The following PTCHD1 variants were observed in gnomAD, a reference collection of about 807,000 sequenced individuals.
The protein encoded by PTCHD1 is patched domain-containing protein 1.
A neutral mutation model predicts 34.6 loss-of-function variants in PTCHD1; 3 were observed. The ratio of observed to expected loss-of-function variants is 0.09; its 90% CI spans 0.04 to 0.22. PTCHD1 has a LOEUF of 0.22. PTCHD1 is among the 10% of genes least tolerant of loss of function. PTCHD1 has a pLI of 1.00. For missense variants in PTCHD1, 504 were observed against 685.5 expected (o/e 0.74, Z 2.96); for synonymous variants, 305 against 283.1 (o/e 1.08, Z -0.77).
intron 1 of PTCHD1, among the ~76,000 whole-genome samples, chrX:23,369,171 G>A (rs977950114): frequency 8.0e-5 from 9 of 112,059 alleles, no homozygotes; most frequent in Admixed American, 2.8e-4. Flanking sequence ...AGCTGTTTGC[G>A]CATGCTTGTC....
At position 23,344,065 on chromosome X, in the gene PTCHD1, G is replaced by C. The variant is rs979749977; in HGVS notation, c.351+8839G>C. ...AATACAGACTGATTCAAAGGGTCTG[G>C]GGTGGGAACTGCAAGTCTGCATTTC... On this transcript the variant is annotated intron_variant, in intron 1 of 2. Coordinates refer to ENST00000379361, the MANE Select transcript of PTCHD1 (RefSeq NM_173495.3). 8.0e-5 allele frequency among the ~76,000 whole-genome samples: 9 copies of C among 112,169 alleles called. No individual in the cohort carries two copies. In the East Asian group the frequency reaches 2.2e-3, roughly 28 times the overall value.
At chrX:23,351,333 C>G (rs1921628264) in intron 1 of PTCHD1, 1 of 849,122 alleles carries the variant, frequency 1.2e-6, no homozygotes, top group South Asian at 2.1e-5. Flanking sequence ...CATTTGCTGT[C>G]TCTCAGGCCC....
In PTCHD1 at chrX:23,335,157, C is replaced by G; in HGVS notation, c.282C>G (p.Gly94=). The G allele has an allele frequency of 8.3e-7, 1 of 1,212,090 alleles. No homozygotes were observed. The highest frequency in any genetic ancestry group is 1.1e-6 in the Non-Finnish European group (1 of 895,434). The change falls in exon 1 of 3, where the codon GGC becomes GGG. Residue 94 remains glycine (G), a synonymous_variant. Coordinates refer to ENST00000379361, the MANE Select transcript of PTCHD1 (RefSeq NM_173495.3). ...YSDLQTPGRY[G]RVIVTSFQKA... The stretch of plus-strand genomic sequence containing the variant: ...ACCTGCAGACCCCCGGGCGCTACGG[C>G]CGGGTCATCGTCACCTCCTTCCAGA...
intron 1 of PTCHD1, among the ~76,000 whole-genome samples, chrX:23,356,766 T>G (rs1203170744): frequency 2.7e-5 from 3 of 111,956 alleles, no homozygotes; most frequent in Non-Finnish European, 5.6e-5. Flanking sequence ...AATATGGGAT[T>G]TCCAGGCATT....
At chrX:23,378,324 G>C (rs970148907) in intron 1 of PTCHD1, among the ~76,000 whole-genome samples, 3 of 111,870 alleles carry the variant, frequency 2.7e-5, no homozygotes, top group African/African-American at 9.8e-5. Context: ...TCTGTAAAGT[G>C]ACTTGTTGAG....
chrX:23,358,122 G>T (rs897785720), intron 1 of PTCHD1, among the ~76,000 whole-genome samples: 9 of 111,494 alleles, frequency 8.1e-5, no homozygotes, highest in East Asian at 2.8e-4. Context: ...TAAACATACG[G>T]GTGCATGTGT....
At chrX:23,350,545 A>G (rs750950428) in intron 1 of PTCHD1, among the ~76,000 whole-genome samples, 2 of 111,896 alleles carry the variant, frequency 1.8e-5, no homozygotes, top group East Asian at 2.8e-4. Context: ...AATACTCCCA[A>G]ACCATTTATT....
chrX:23,353,818 G>C (rs1018744682), intron 1 of PTCHD1, among the ~76,000 whole-genome samples: 1 of 111,801 alleles, frequency 8.9e-6, no homozygotes, highest in African/African-American at 3.2e-5. Context: ...AAAAAGCTAA[G>C]TTAGGAAGCT....
intron 2 of PTCHD1, among the ~76,000 whole-genome samples, chrX:23,383,550 C>T (rs1372145561): frequency 9.0e-6 from 1 of 111,724 alleles, no homozygotes; most frequent in Non-Finnish European, 1.9e-5. Flanking sequence ...GTGTTTCTAG[C>T]CAAGATGATA....
chrX:23,384,503 T>A (rs1232091387), intron 2 of PTCHD1, among the ~76,000 whole-genome samples: 1 of 112,061 alleles, frequency 8.9e-6, no homozygotes, highest in Admixed American at 9.5e-5. Flanking sequence ...GCTGTGCATT[T>A]TAACATTATT....
At chrX:23,364,413 CA>C (rs1352748462) in intron 1 of PTCHD1, among the ~76,000 whole-genome samples, 5 of 104,774 alleles carry the variant, frequency 4.8e-5, no homozygotes, top group African/African-American at 1.1e-4. Context: ...CACACACACA[CA>C]CCGTATTCAG....
In PTCHD1 at chrX:23,393,850, G is replaced by C; in HGVS notation, c.2332G>C (p.Gly778Arg). 8.3e-7 allele frequency: 1 copy of C among 1,211,142 alleles called. No homozygotes were observed. The highest frequency in any genetic ancestry group is 1.1e-6 in the Non-Finnish European group (1 of 895,158). Residue 778 changes from glycine to arginine, a missense_variant, in exon 3 of 3, where the codon GGC becomes CGC. Transcript: ENST00000379361. ...CAPMLSTFVLGKDFTRTKWVK... is the reference protein window; with the variant it reads ...CAPMLSTFVLRKDFTRTKWVK... ...TCCAATGTTATCCACATTTGTTCTG[G>C]GCAAGGATTTCACAAGAACTAAATG...
intron 1 of PTCHD1, 121 bp downstream of exon 1, chrX:23,335,347 T>C: frequency 1.7e-6 from 1 of 571,618 alleles, no homozygotes. Flanking sequence ...CCGCAGGGAC[T>C]CTCCTGCACC....
chrX:23,350,425 T>C (rs918385053), intron 1 of PTCHD1, among the ~76,000 whole-genome samples: 1 of 111,653 alleles, frequency 9.0e-6, no homozygotes, highest in Non-Finnish European at 1.9e-5. Flanking sequence ...CTTAGAAGTT[T>C]CCCAGCTGGG....
chrX:23,350,075 AAAAAAAAAAAAAAAG>A (rs1355178498), intron 1 of PTCHD1, among the ~76,000 whole-genome samples: 6 of 105,196 alleles, frequency 5.7e-5, no homozygotes, highest in Admixed American at 1.0e-4. Flanking sequence ...AAAAAAAAAA[AAAAAAAAAAAAAAAG>A]ACCTGTGTGG....
At position 23,399,660 on chromosome X, in the gene PTCHD1, C is replaced by CTTCA. The variant is rs773028594; in HGVS notation, c.*5483_*5486dup. 3 of 112,078 alleles carry CTTCA rather than the reference C, an allele frequency of 2.7e-5. No individual in the cohort carries two copies. The highest frequency in any genetic ancestry group is 1.9e-4 in the Admixed American group (2 of 10,567). 9.2% of individuals were successfully genotyped at this position (112,078 alleles called of 1,213,427 possible). The stretch of plus-strand genomic sequence containing the variant: ...AAGTGCCTACTTCTATTCATTTATT[C>CTTCA]TTCATTCATTCTTTCATTCATTCAT... On this transcript the variant is annotated 3_prime_UTR_variant, in exon 3 of 3. Coordinates refer to ENST00000379361, the MANE Select transcript of PTCHD1 (RefSeq NM_173495.3).
At chrX:23,359,200 T>C (rs1231513131) in intron 1 of PTCHD1, among the ~76,000 whole-genome samples, 1 of 112,539 alleles carries the variant, frequency 8.9e-6, no homozygotes, top group Admixed American at 9.4e-5. Context: ...CATTGGTAGC[T>C]TGATGGGGAT....
Position 23,401,955 on chromosome X carries a change from A to G in PTCHD1, c.*7770A>G, listed in dbSNP as rs776444538. On this transcript the variant is annotated 3_prime_UTR_variant, in exon 3 of 3. Coordinates refer to ENST00000379361, the MANE Select transcript of PTCHD1 (RefSeq NM_173495.3). ...AATTTTCCAAGTCATAAGCAAGAAG[A>G]ATAGCATAGACCCAAAACGACAGAG... 8.9e-6 allele frequency: 1 copy of G among 112,762 alleles called. No homozygotes were observed. The highest frequency in any genetic ancestry group is 2.8e-4 in the East Asian group (1 of 3,589). 9.3% of individuals were successfully genotyped at this position (112,762 alleles called of 1,213,427 possible). A position where few individuals can be genotyped will look rare whatever the true frequency, so the allele number is the denominator to read the frequency against.
In PTCHD1 at chrX:23,351,399, G is replaced by A. The variant is rs889342024; in HGVS notation, c.351+16173G>A. 7.9e-6 allele frequency: 5 copies of A among 630,287 alleles called. No individual in the cohort carries two copies. In the Admixed American group the frequency reaches 9.3e-5, roughly 12 times the overall value. 51.9% of individuals were successfully genotyped at this position (630,287 alleles called of 1,213,427 possible). A position where few individuals can be genotyped will look rare whatever the true frequency, so the allele number is the denominator to read the frequency against. On this transcript the variant is annotated intron_variant, in intron 1 of 2. Coordinates refer to ENST00000379361, the MANE Select transcript of PTCHD1 (RefSeq NM_173495.3). The stretch of plus-strand genomic sequence containing the variant: ...TTCTGCAAAATATGTTTCTGAAATG[G>A]TACGAAAACTTTCAAAGATGACTAG...
Sources: allele counts gnomAD v4.1 joint callset (sites outside exome capture counted in the v4.1 genomes callset), GRCh38; gene constraint gnomAD v4.1.1; transcripts MANE v1.5; gene names NCBI Gene and HGNC (gene_info 2026-07-23, HGNC 2026-07-21).